The following SH3PXD2B variants were observed in gnomAD, a reference collection of about 807,000 sequenced individuals.
SH3PXD2B encodes the protein SH3 and PX domains 2B.
A neutral mutation model predicts 73.1 loss-of-function variants in SH3PXD2B; 37 were observed. That is an observed-to-expected ratio of 0.51 (90% confidence interval 0.39 to 0.67). The LOEUF is 0.67. SH3PXD2B is among the 30% of genes least tolerant of loss of function. The pLI is 0.00. For missense variants in SH3PXD2B, 1,053 were observed against 1,197.8 expected, an observed-to-expected ratio of 0.88 and a Z score of 1.78; for synonymous variants, 457 against 480.5, an observed-to-expected ratio of 0.95 and a Z score of 0.64.
Position 172,371,275 on chromosome 5 carries a change from G to C in SH3PXD2B, c.427+2515C>G, listed in dbSNP as rs577766707. Among the ~76,000 whole-genome samples the C allele has an allele frequency of 7.2e-4, 109 of 152,296 alleles. 1 individual carries two copies. The South Asian group carries it at 0.019, about 26-fold the overall frequency. On this transcript the variant is annotated intron_variant, in intron 6 of 12. Transcript: ENST00000311601. ...TTTTAAGTAAAGGTTAGAAAAATCAGGAAGAAATATGTTCCTCAAATAATT... is the reference window on the plus strand; with the variant it reads ...TTTTAAGTAAAGGTTAGAAAAATCACGAAGAAATATGTTCCTCAAATAATT...
At chr5:172,331,506 T>C (rs895496220), downstream of SH3PXD2B, among the ~76,000 whole-genome samples, 7 of 152,194 alleles carry the variant, frequency 4.6e-5, no homozygotes, top group East Asian at 1.3e-3. Flanking sequence ...CAAATAATAC[T>C]GAATGAGAGA....
At chr5:172,397,259 A>C (rs1485739649) in intron 3 of SH3PXD2B, among the ~76,000 whole-genome samples, 2 of 152,298 alleles carry the variant, frequency 1.3e-5, no homozygotes, top group African/African-American at 2.4e-5. Flanking sequence ...ATTCCCGCCT[A>C]ATAAATTTTG....
chr5:172,350,620 T>C, intron 9 of SH3PXD2B, 31 bp from the exon 10 acceptor site: 2 of 1,565,730 alleles, frequency 1.3e-6, no homozygotes, highest in Non-Finnish European at 1.7e-6. Flanking sequence ...GCTGTCAAAC[T>C]GCTCCGCCAG....
intron 2 of SH3PXD2B, among the ~76,000 whole-genome samples, chr5:172,407,928 G>A (rs551837691): frequency 6.6e-6 from 1 of 152,344 alleles, no homozygotes; most frequent in East Asian, 1.9e-4. Context: ...AGAGACTGAA[G>A]ACCACTTGCT....
intron 5 of SH3PXD2B, among the ~76,000 whole-genome samples, chr5:172,381,719 A>G (rs1757951261): frequency 1.3e-5 from 2 of 152,308 alleles, no homozygotes; most frequent in South Asian, 4.1e-4. Context: ...TGTGGACAGA[A>G]GCTAGATGAA....
chr5:172,347,385 G>A lies in SH3PXD2B; in HGVS notation c.1013-53C>T, dbSNP rs1008283874. ...CTTGTGCTACAGATGAGATTCCTGA[G>A]CTGGGTGCCAGGTCGGGTCTATTTT... is the stretch of plus-strand genomic sequence containing the variant. On this transcript the variant is annotated intron_variant, in intron 10 of 12. Transcript: ENST00000311601. 6.8e-5 allele frequency: 107 copies of A among 1,583,556 alleles called. 1 individual carries two copies. The Admixed American group carries it at 1.7e-3, about 25-fold the overall frequency.
At chr5:172,440,110 G>C (rs1041122575) in intron 1 of SH3PXD2B, among the ~76,000 whole-genome samples, 1 of 152,230 alleles carries the variant, frequency 6.6e-6, no homozygotes, top group Non-Finnish European at 1.5e-5. Context: ...AGGAGCCTGG[G>C]CAATGAAGGA....
chr5:172,435,065 G>A (rs997871906), intron 1 of SH3PXD2B, among the ~76,000 whole-genome samples: 2 of 152,148 alleles, frequency 1.3e-5, no homozygotes, highest in Non-Finnish European at 2.9e-5. Context: ...GATTACAGAC[G>A]TGAGCCACCA....
At chr5:172,364,102 G>C (rs1434365024) in intron 6 of SH3PXD2B, among the ~76,000 whole-genome samples, 1 of 152,126 alleles carries the variant, frequency 6.6e-6, no homozygotes, top group South Asian at 2.1e-4. Context: ...CCCTGGTTAA[G>C]CGCTAAGACA....
Position 172,358,766 on chromosome 5 carries a change from T to C in SH3PXD2B, c.667+7A>G, listed in dbSNP as rs755863016. 1 of 1,609,502 alleles carries C rather than the reference T, an allele frequency of 6.2e-7. No homozygotes were observed. The highest frequency in any genetic ancestry group is 1.3e-5 in the African/African-American group (1 of 74,846). ...CCCAGTGAGCAGAGGCTCGAGCTCCTCCCTACCTTCTTCAGGCTGCAGAGA... is the reference window on the plus strand; with the variant it reads ...CCCAGTGAGCAGAGGCTCGAGCTCCCCCCTACCTTCTTCAGGCTGCAGAGA... On this transcript the variant is annotated splice_region_variant and intron_variant, in intron 8 of 12. Transcript: ENST00000311601.
At chr5:172,417,879 T>C (rs1758862075) in intron 2 of SH3PXD2B, among the ~76,000 whole-genome samples, 2 of 152,240 alleles carry the variant, frequency 1.3e-5, no homozygotes, top group South Asian at 4.1e-4. Flanking sequence ...TATGCCTCCA[T>C]GACCACTAAA....
chr5:172,331,671 G>A (rs903017595), downstream of SH3PXD2B, among the ~76,000 whole-genome samples: 20 of 152,198 alleles, frequency 1.3e-4, no homozygotes, highest in Admixed American at 1.3e-3. Context: ...GTATGACGGG[G>A]CTGGGCACGG....
intron 4 of SH3PXD2B, 59 bp from the exon 5 acceptor site, chr5:172,382,186 C>T (rs1455030573): frequency 8.7e-6 from 12 of 1,382,704 alleles, no homozygotes; most frequent in South Asian, 6.5e-5. Context: ...CATGGTGGCA[C>T]GCGCCTATAA....
At chr5:172,452,528 T>C (rs1368524065) in intron 1 of SH3PXD2B, among the ~76,000 whole-genome samples, 1 of 152,188 alleles carries the variant, frequency 6.6e-6, no homozygotes, top group Non-Finnish European at 1.5e-5. Flanking sequence ...ACTGTGACCT[T>C]AGGCGTGGGA....
Position 172,394,634 on chromosome 5 carries a change from T to C in SH3PXD2B, c.238A>G (p.Ile80Val). ...CGGATGTGGCTTCGTCTGAAGAGAATCTTACCTGCAGAAGATGAGAGCAAA... is the reference window on the plus strand; with the variant it reads ...CGGATGTGGCTTCGTCTGAAGAGAACCTTACCTGCAGAAGATGAGAGCAAA... The part of the protein sequence containing the change: ...QRIIPFLPGK[I>V]LFRRSHIRDV... Residue 80 changes from isoleucine to valine, a missense_variant, in exon 4 of 13, where the codon ATT becomes GTT. Transcript: ENST00000311601. 6.2e-7 allele frequency: 1 copy of C among 1,613,982 alleles called. No individual in the cohort carries two copies. Among genetic ancestry groups the C allele is most frequent in the South Asian group, 1.1e-5 (1 of 91,056 alleles).
At chr5:172,367,536 C>A (rs1757557718) in intron 6 of SH3PXD2B, among the ~76,000 whole-genome samples, 1 of 152,042 alleles carries the variant, frequency 6.6e-6, no homozygotes, top group Admixed American at 6.6e-5. Flanking sequence ...CCTTTTGATA[C>A]CTTATTAGAC....
intron 1 of SH3PXD2B, among the ~76,000 whole-genome samples, chr5:172,441,558 A>T (rs1178497258): frequency 1.3e-5 from 2 of 152,204 alleles, no homozygotes; most frequent in Non-Finnish European, 2.9e-5. Flanking sequence ...CACACCCTAG[A>T]CGATGATGAA....
intron 1 of SH3PXD2B, among the ~76,000 whole-genome samples, chr5:172,423,166 C>T (rs1561934575): frequency 6.6e-6 from 1 of 152,142 alleles, no homozygotes; most frequent in East Asian, 1.9e-4. Flanking sequence ...ATAACAAGCC[C>T]GGGCAAACTG....
At chr5:172,359,558 C>T (rs185265481) in intron 7 of SH3PXD2B, among the ~76,000 whole-genome samples, 5 of 152,208 alleles carry the variant, frequency 3.3e-5, no homozygotes, top group African/African-American at 1.2e-4. Flanking sequence ...CACGTGGCTG[C>T]GGTAGAGCTG....
Sources: allele counts gnomAD v4.1 joint callset (sites outside exome capture counted in the v4.1 genomes callset), GRCh38; gene constraint gnomAD v4.1.1; transcripts MANE v1.5; gene names NCBI Gene and HGNC (gene_info 2026-07-23, HGNC 2026-07-21).